The following NCF4 variants were observed in gnomAD, a reference collection of about 807,000 sequenced individuals.
NCF4 encodes the protein neutrophil cytosol factor 4.
Under a neutral mutation model 41.7 loss-of-function variants are expected in NCF4, and 30 were observed. The ratio of observed to expected loss-of-function variants is 0.72; its 90% CI spans 0.54 to 0.97. NCF4 has a LOEUF of 0.97. Among genes scored for constraint, NCF4 ranks in the 50% least tolerant of loss-of-function variants. The pLI is 0.00. For synonymous variants in NCF4, 195 were observed against 175.8 expected, an observed-to-expected ratio of 1.11 and a Z score of -0.87; for missense variants, 432 against 460.9, an observed-to-expected ratio of 0.94 and a Z score of 0.57.
At chr22:36,872,575 G>GTGGAGGTGAGGATGGAGGTAAGAT in intron 7 of NCF4, 150 bp downstream of exon 7, 1 of 702,736 alleles carries the variant, frequency 1.4e-6, no homozygotes, top group Admixed American at 2.1e-5. Flanking sequence ...GGAGGTAAGA[G>GTGGAGGTGAGGATGGAGGTAAGAT]TGGAGGTGAG....
rs572607046 is a variant in NCF4 at position 36,871,715 on chromosome 22, C to T, written c.528+6C>T. 6 of 1,558,080 alleles carry T rather than the reference C, an allele frequency of 3.9e-6. No individual in the cohort carries two copies. The East Asian group carries it at 9.6e-5, about 25-fold the overall frequency. ...TGGCAGCTCCGAGAGCAGAGGTAAC[C>T]CCCGCCCCCACGCTGGCCAGGCTCT... On this transcript the variant is annotated splice_donor_region_variant and intron_variant, in intron 6 of 9. Coordinates refer to ENST00000248899, the MANE Select transcript of NCF4 (RefSeq NM_000631.5).
intron 1 of NCF4, among the ~76,000 whole-genome samples, chr22:36,862,038 G>A (rs1403487816): frequency 1.3e-5 from 2 of 152,174 alleles, no homozygotes; most frequent in East Asian, 1.9e-4. Flanking sequence ...CTTGGAGCAC[G>A]GCCTCACCAG....
At chr22:36,873,989 T>A (rs1386700309) in intron 7 of NCF4, among the ~76,000 whole-genome samples, 1 of 152,216 alleles carries the variant, frequency 6.6e-6, no homozygotes, top group Non-Finnish European at 1.5e-5. Flanking sequence ...ACTAGCTTTG[T>A]GGACCTTTGG....
chr22:36,865,859 C>T lies in NCF4; in HGVS notation c.271+787C>T, dbSNP rs1290858373. Among the ~76,000 whole-genome samples the T allele has an allele frequency of 6.6e-6, 1 of 152,084 alleles. No homozygotes were observed. Among genetic ancestry groups the T allele is most frequent in the Admixed American group, 6.5e-5 (1 of 15,274 alleles). ...GTCTCTCTCTGTCTCAGCATATGAC[C>T]CCGCTCCTTCTCATCCAGCCCCACC... On this transcript the variant is annotated intron_variant, in intron 3 of 9. Coordinates refer to ENST00000248899, the MANE Select transcript of NCF4 (RefSeq NM_000631.5). This position sits in a 1 kb window ranked among gnomAD's most constrained non-coding sequence, Gnocchi z 4.3.
At chr22:36,863,967 C>T (rs1403064677) in intron 1 of NCF4, 78 bp from the exon 2 acceptor site, 7 of 1,351,608 alleles carry the variant, frequency 5.2e-6, no homozygotes, top group Non-Finnish European at 7.4e-6. Context: ...GTTTGCTTTG[C>T]ACTCTACCTC....
chr22:36,864,714 C>T lies in NCF4; in HGVS notation c.118-205C>T, dbSNP rs199904634. Among the ~76,000 whole-genome samples, 15 of 149,192 alleles carry T rather than the reference C, an allele frequency of 1.0e-4. No individual in the cohort carries two copies. The South Asian group carries it at 2.1e-3, about 21-fold the overall frequency. The stretch of plus-strand genomic sequence containing the variant: ...CCTCTCTTTTTCCAGTTTTTTTTTT[C>T]TTTTCTTTTCTTTTTTTTTCGCAAA... On this transcript the variant is annotated intron_variant, in intron 2 of 9. Coordinates refer to ENST00000248899, the MANE Select transcript of NCF4 (RefSeq NM_000631.5).
At chr22:36,870,594 T>G (rs1940034035) in intron 5 of NCF4, 52 bp downstream of exon 5, 2 of 1,597,168 alleles carry the variant, frequency 1.3e-6, no homozygotes, top group Non-Finnish European at 1.7e-6. Context: ...GGGTCCCTGC[T>G]GGAAAAGCAT....
At chr22:36,875,294 T>A (rs1335438350) in intron 7 of NCF4, among the ~76,000 whole-genome samples, 1 of 152,080 alleles carries the variant, frequency 6.6e-6, no homozygotes, top group Non-Finnish European at 1.5e-5. Flanking sequence ...CCTCCCAAAG[T>A]GCTAGGATTA....
intron 9 of NCF4, among the ~76,000 whole-genome samples, 192 bp from the exon 10 acceptor site, chr22:36,877,436 C>T (rs550032690): frequency 6.6e-6 from 1 of 152,336 alleles, no homozygotes; most frequent in South Asian, 2.1e-4. Context: ...CGCACCCAGC[C>T]TCTTCTCCCT....
At position 36,876,052 on chromosome 22, in the gene NCF4, TC is replaced by T; in HGVS notation, c.783del (p.Ser262AlafsTer6). ...AGGGACATCGCGGTGGAGGAAGATC[TC>T]AGCAGCACTCCCCTATTGAAAGACC... ...TIKDIAVEED[L>X]SSTPLLKDLL... is the part of the protein sequence containing the mutation. On this transcript the variant is annotated frameshift_variant, in exon 9 of 10. Coordinates refer to ENST00000248899, the MANE Select transcript of NCF4 (RefSeq NM_000631.5). LOFTEE classifies it high-confidence loss of function. 2 of 1,612,116 alleles carry T rather than the reference TC, an allele frequency of 1.2e-6. No individual in the cohort carries two copies. Among genetic ancestry groups the T allele is most frequent in the Non-Finnish European group, 1.7e-6 (2 of 1,178,588 alleles).
At chr22:36,871,880 C>T (rs914110172) in intron 6 of NCF4, among the ~76,000 whole-genome samples, 171 bp downstream of exon 6, 2 of 152,230 alleles carry the variant, frequency 1.3e-5, no homozygotes, top group African/African-American at 2.4e-5. Flanking sequence ...GGGGGTCCCC[C>T]GAGCCCAGCT....
chr22:36,864,304 T>A (rs569083727), intron 2 of NCF4, among the ~76,000 whole-genome samples, 175 bp downstream of exon 2: 1 of 152,300 alleles, frequency 6.6e-6, no homozygotes, highest in Non-Finnish European at 1.5e-5. Context: ...AGATTCTGAT[T>A]ATTGCATCTT....
chr22:36,864,114 C>T lies in NCF4; in HGVS notation c.102C>T (p.Gly34=), dbSNP rs765598164. 9 of 1,613,140 alleles carry T rather than the reference C, an allele frequency of 5.6e-6. No individual in the cohort carries two copies. In the East Asian group the frequency reaches 1.8e-4, roughly 32 times the overall value. Residue 34 remains glycine (G), a synonymous_variant, in exon 2 of 10, where the codon GGC becomes GGT. Transcript: ENST00000248899. ...ANIADIEEKR[G]FTSHFVFVIE... ...TTGCTGACATCGAGGAGAAGAGAGG[C>T]TTCACCAGCCACTTTGTAAGACAGA...
rs1217111931 is a variant in NCF4, at chr22:36,864,054, A to C, written c.42A>C (p.Glu14Asp). The C allele has an allele frequency of 3.7e-6, 6 of 1,614,124 alleles. No homozygotes were observed. The highest frequency in any genetic ancestry group is 5.1e-6 in the Non-Finnish European group (6 of 1,179,978). ...AQQLRAESDFEQLPDDVAISA... is the reference protein window; with the variant it reads ...AQQLRAESDFDQLPDDVAISA... ...CCCCTCCTTCGCACAGTGACTTTGA[A>C]CAGCTTCCGGATGATGTTGCCATCT... The change falls in exon 2 of 10, where the codon GAA becomes GAC. Residue 14 changes from glutamate to aspartate, a missense_variant. By Grantham distance (45) the Glu-to-Asp change is conservative. Coordinates refer to ENST00000248899, the MANE Select transcript of NCF4 (RefSeq NM_000631.5).
intron 4 of NCF4, among the ~76,000 whole-genome samples, chr22:36,869,746 AG>A (rs1437436630): frequency 1.3e-5 from 2 of 152,156 alleles, no homozygotes; most frequent in Non-Finnish European, 2.9e-5. Context: ...CAAGGACACT[AG>A]GGCTCAAGTC....
At position 36,865,016 on chromosome 22, in the gene NCF4, G is replaced by A. The variant is rs1383395509; in HGVS notation, c.215G>A (p.Arg72His). The A allele has an allele frequency of 6.2e-6, 10 of 1,613,676 alleles. No individual in the cohort carries two copies. The highest frequency in any genetic ancestry group is 2.2e-5 in the East Asian group (1 of 44,872). ...GCTTTGCAGAGCAAGCTGGAGGAGC[G>A]CTTCGGGCCAGACAGCAAGAGCAGT... ...FHALQSKLEE[R>H]FGPDSKSSAL... Residue 72 changes from arginine (R) to histidine (H), a missense_variant, in exon 3 of 10, where the codon CGC becomes CAC. Arg to His is a conservative substitution (Grantham distance 29). Coordinates refer to ENST00000248899, the MANE Select transcript of NCF4 (RefSeq NM_000631.5). The surrounding 1 kb of genome is among the most constrained non-coding windows in gnomAD (Gnocchi z 4.3).
At chr22:36,876,244 C>A in intron 9 of NCF4, 150 bp downstream of exon 9, 1 of 811,272 alleles carries the variant, frequency 1.2e-6, no homozygotes, top group Non-Finnish European at 1.9e-6. Context: ...GGTTAGGCAG[C>A]ATCTCCCCAC....
intron 7 of NCF4, 147 bp downstream of exon 7, chr22:36,872,572 A>G: frequency 1.4e-6 from 1 of 734,480 alleles, no homozygotes; most frequent in Non-Finnish European, 2.4e-6. Flanking sequence ...GATGGAGGTA[A>G]GAGTGGAGGT....
chr22:36,874,091 C>T (rs1446008003), intron 7 of NCF4, among the ~76,000 whole-genome samples: 2 of 152,212 alleles, frequency 1.3e-5, no homozygotes, highest in African/African-American at 2.4e-5. Context: ...GGCCAGGGCT[C>T]GCCCCAGAGC....
Sources: allele counts gnomAD v4.1 joint callset (sites outside exome capture counted in the v4.1 genomes callset), GRCh38; gene constraint gnomAD v4.1.1; non-coding constraint Gnocchi (gnomAD v3.1); transcripts MANE v1.5; gene names NCBI Gene and HGNC (gene_info 2026-07-23, HGNC 2026-07-21).